Variants in DEK observed in about 807,000 individuals in gnomAD.
The protein encoded by DEK is DEK proto-oncogene.
DEK carries 28 observed loss-of-function variants against 46.8 expected under a neutral mutation model. The observed-to-expected ratio is 0.60, with a 90% confidence interval of 0.44 to 0.82. DEK has a LOEUF of 0.82. Ranked by LOEUF, DEK falls within the 40% of genes least tolerant of loss-of-function variation. The pLI, the probability that DEK is intolerant of heterozygous loss-of-function variation, is 0.00. For synonymous variants in DEK, 160 were observed against 144.5 expected, an observed-to-expected ratio of 1.11 and a Z score of -0.77; for missense variants, 416 against 430.6, an observed-to-expected ratio of 0.97 and a Z score of 0.30.
intron 9 of DEK, among the ~76,000 whole-genome samples, chr6:18,235,425 T>C (rs1278717887): frequency 6.6e-6 from 1 of 152,232 alleles, no homozygotes; most frequent in Non-Finnish European, 1.5e-5. Context: ...GAATGGGTGA[T>C]GCTCCACTAG....
chr6:18,260,685 A>G (rs1414439123), intron 2 of DEK, among the ~76,000 whole-genome samples: 4 of 152,146 alleles, frequency 2.6e-5, no homozygotes, highest in African/African-American at 9.7e-5. Context: ...AGCCTCCTGC[A>G]GGGGTGGAAC....
intron 8 of DEK, 26 bp from the exon 9 acceptor site, chr6:18,236,626 T>C (rs1323117036): frequency 7.4e-7 from 1 of 1,347,446 alleles, no homozygotes; most frequent in Non-Finnish European, 9.8e-7. Flanking sequence ...TAATAATAAT[T>C]TTTCTTACAT....
chr6:18,241,496 T>A (rs1790892354), intron 7 of DEK, among the ~76,000 whole-genome samples: 2 of 152,212 alleles, frequency 1.3e-5, no homozygotes, highest in Non-Finnish European at 2.9e-5. Flanking sequence ...ACTCTCAAAG[T>A]ACTTGGCCTG....
In DEK at chr6:18,255,791, T is replaced by C. The variant is rs1274643484; in HGVS notation, c.513A>G (p.Val171=). The C allele has an allele frequency of 1.9e-6, 3 of 1,612,854 alleles. No homozygotes were observed. The highest frequency in any genetic ancestry group is 2.5e-6 in the Non-Finnish European group (3 of 1,179,766). Residue 171 remains valine, a synonymous_variant, in exon 6 of 11, where the codon GTA becomes GTG. Coordinates refer to ENST00000652689, the MANE Select transcript of DEK (RefSeq NM_003472.4). ...CEVLDLERSG[V]NSELVKRILN... ...AGATCCTCTTCACTAGTTCACTATT[T>C]ACACCTGATCTCTCCAAATCAAGAA...
Position 18,263,913 on chromosome 6 carries a change from C to T in DEK, c.75G>A (p.Met25Ile). The change falls in exon 2 of 11, where the codon ATG becomes ATA. Residue 25 changes from methionine to isoleucine, a missense_variant. Physicochemically the swap from Met to Ile is conservative, Grantham distance 10. Transcript: ENST00000652689. ...CCTCGCTCTCCTCTCTGGGACCGGG[C>T]ATTTCGGGTTCTTTCTCGGACGCGG... ...TQPASEKEPE[M>I]PGPREESEEE... 1 of 1,612,282 alleles carries T rather than the reference C, an allele frequency of 6.2e-7. No homozygotes were observed. Among genetic ancestry groups the T allele is most frequent in the Non-Finnish European group, 8.5e-7 (1 of 1,179,180 alleles).
chr6:18,233,497 A>G (rs1321665160), intron 9 of DEK, among the ~76,000 whole-genome samples: 3 of 152,236 alleles, frequency 2.0e-5, no homozygotes, highest in Non-Finnish European at 4.4e-5. Context: ...ACTTAAATTT[A>G]CAAGAAAAAA....
chr6:18,225,694 C>G lies in DEK; in HGVS notation c.*25G>C. The G allele has an allele frequency of 1.2e-6, 2 of 1,610,332 alleles. No homozygotes were observed. The highest frequency in any genetic ancestry group is 1.7e-6 in the Non-Finnish European group (2 of 1,177,736). On this transcript the variant is annotated 3_prime_UTR_variant, in exon 11 of 11. Transcript: ENST00000652689. ...AATCAGATCTTCAAATCTATGGGAA[C>G]GAGTCATCTTCTCTGTCCTCTATCT...
At chr6:18,238,919 AC>A in intron 7 of DEK, among the ~76,000 whole-genome samples, 1 of 151,266 alleles carries the variant, frequency 6.6e-6, no homozygotes, top group Non-Finnish European at 1.5e-5. Flanking sequence ...TCCTAAAGCA[AC>A]CTGGTTTTTT....
intron 7 of DEK, among the ~76,000 whole-genome samples, chr6:18,246,634 C>T (rs938647097): frequency 6.6e-6 from 1 of 152,198 alleles, no homozygotes; most frequent in African/African-American, 2.4e-5. Flanking sequence ...TAGTCTTCTA[C>T]ACATCTAAAG....
At chr6:18,236,904 C>T (rs1353687968) in intron 8 of DEK, 1 of 213,908 alleles carries the variant, frequency 4.7e-6, no homozygotes, top group South Asian at 1.1e-4. Flanking sequence ...TAATTCCATA[C>T]CCGACCTCGT....
chr6:18,244,593 G>A, intron 7 of DEK: 1 of 1,288,224 alleles, frequency 7.8e-7, no homozygotes, highest in South Asian at 1.2e-5. Flanking sequence ...CCTCACAGCA[G>A]AAAGGTTGTA....
intron 2 of DEK, among the ~76,000 whole-genome samples, chr6:18,259,678 C>A (rs984755220): frequency 3.3e-5 from 5 of 151,810 alleles, no homozygotes; most frequent in Non-Finnish European, 5.9e-5. Flanking sequence ...TAAATATACG[C>A]CAATATAAAA....
chr6:18,253,607 G>GA lies in DEK; in HGVS notation c.573+2123dup, dbSNP rs558660170. Among the ~76,000 whole-genome samples, 322 of 152,202 alleles carry GA rather than the reference G, an allele frequency of 2.1e-3. 3 individuals carry two copies. The highest frequency in any genetic ancestry group is 7.4e-3 in the African/African-American group (309 of 41,512). On this transcript the variant is annotated intron_variant, in intron 6 of 10. Transcript: ENST00000652689. The stretch of plus-strand genomic sequence containing the variant: ...ATTAAACATTACAACTAATCTTTAG[G>GA]AAACTACAACTTATGTAGAGTTTTG...
At position 18,237,251 on chromosome 6, in the gene DEK, A is replaced by G. The variant is rs534617774; in HGVS notation, c.898+130T>C. ...AAGCATTTCAGATAAGGGATATTCA[A>G]CCTGTATTACTTCTCCCCGCAATGT... On this transcript the variant is annotated intron_variant, in intron 8 of 10. Coordinates refer to ENST00000652689, the MANE Select transcript of DEK (RefSeq NM_003472.4). 5.5e-6 allele frequency: 6 copies of G among 1,081,266 alleles called. No homozygotes were observed. The South Asian group carries it at 1.2e-4, about 21-fold the overall frequency. 67.0% of individuals were successfully genotyped at this position (1,081,266 alleles called of 1,614,324 possible).
In DEK at chr6:18,244,453, G is replaced by A. The variant is rs906577347; in HGVS notation, c.762+5198C>T. 4 of 893,884 alleles carry A rather than the reference G, an allele frequency of 4.5e-6. No individual in the cohort carries two copies. The African/African-American group carries it at 5.2e-5, about 12-fold the overall frequency. 55.4% of individuals were successfully genotyped at this position (893,884 alleles called of 1,614,324 possible). ...CATGAAGGTACAGAATCAGAGGAATGACATAAGCACTTTTTGAAGGAAGGC... is the reference window on the plus strand; with the variant it reads ...CATGAAGGTACAGAATCAGAGGAATAACATAAGCACTTTTTGAAGGAAGGC... On this transcript the variant is annotated intron_variant, in intron 7 of 10. Coordinates refer to ENST00000652689, the MANE Select transcript of DEK (RefSeq NM_003472.4).
In DEK at chr6:18,254,348, A is replaced by G. The variant is rs565818651; in HGVS notation, c.573+1383T>C. ...TCTGTCTCAAAACAACAGTAACAAC[A>G]ACAGTAACAACAACAACAACACAAA... is the stretch of plus-strand genomic sequence containing the variant. On this transcript the variant is annotated intron_variant, in intron 6 of 10. Transcript: ENST00000652689. 5.9e-5 allele frequency among the ~76,000 whole-genome samples: 9 copies of G among 152,284 alleles called. No individual in the cohort carries two copies. In the South Asian group the frequency reaches 1.9e-3, roughly 32 times the overall value.
chr6:18,253,080 G>A (rs1190305465), intron 6 of DEK, among the ~76,000 whole-genome samples: 2 of 151,830 alleles, frequency 1.3e-5, no homozygotes, highest in African/African-American at 4.8e-5. Context: ...CACGCTCCAA[G>A]CTCCTTTTTC....
intron 3 of DEK, 58 bp from the exon 4 acceptor site, chr6:18,258,120 G>C: frequency 7.8e-7 from 1 of 1,284,076 alleles, no homozygotes; most frequent in Non-Finnish European, 1.1e-6. Flanking sequence ...CATTTACAAA[G>C]TTAATTTAAT....
Position 18,249,704 on chromosome 6 carries a change from TTTCATC to T in DEK, c.703_708del (p.Asp235_Glu236del). 6.2e-7 allele frequency: 1 copy of T among 1,605,880 alleles called. No individual in the cohort carries two copies. Among genetic ancestry groups the T allele is most frequent in the Non-Finnish European group, 8.5e-7 (1 of 1,177,940 alleles). ...TCTGAAGACTCTTCCTTGTTTTTCT[TTTCATC>T]TTCATCACTACTAGATTCATCTGAC... On this transcript the variant is annotated inframe_deletion, in exon 7 of 11. Coordinates refer to ENST00000652689, the MANE Select transcript of DEK (RefSeq NM_003472.4).
Sources: gnomAD v4.1 joint callset for allele counts (sites outside exome capture counted in the v4.1 genomes callset) on GRCh38, gnomAD v4.1.1 for gene constraint, MANE v1.5 for transcripts, NCBI Gene and HGNC (gene_info 2026-07-23, HGNC 2026-07-21) for gene names.